TMOD3: variants seen among roughly 807,000 people sequenced by gnomAD.
TMOD3 encodes tropomodulin 3.
A neutral mutation model predicts 39.2 loss-of-function variants in TMOD3; 20 were observed. The ratio of observed to expected loss-of-function variants is 0.51; its 90% CI spans 0.36 to 0.74. TMOD3 has a LOEUF of 0.74. Among genes scored for constraint, TMOD3 ranks in the 30% least tolerant of loss-of-function variants. The probability of loss-of-function intolerance (pLI) is 0.00; values close to 1 mark genes in which losing one functional copy is unlikely to be tolerated. For synonymous variants in TMOD3, 143 were observed against 145.8 expected (o/e 0.98, Z 0.14); for missense variants, 381 against 412.8 (o/e 0.92, Z 0.67).
At position 51,859,507 on chromosome 15, in the gene TMOD3, T is replaced by C. The variant is rs1455009329; in HGVS notation, c.-74-3304T>C. ...CTTTTATACACAGCTCTGGCTTTTT[T>C]GTAGCCACCATGTTGATAAGCCCAA... On this transcript the variant is annotated intron_variant, in intron 1 of 9. Coordinates refer to ENST00000308580, the MANE Select transcript of TMOD3 (RefSeq NM_014547.5). 14 of 638,330 alleles carry C rather than the reference T, an allele frequency of 2.2e-5. No homozygotes were observed. In the Admixed American group the frequency reaches 2.4e-4, roughly 11 times the overall value. The allele number at this position is 638,330 out of a possible 1,614,324, so 39.5% of individuals were successfully genotyped here.
chr15:51,840,739 G>C (rs543062897), intron 1 of TMOD3, among the ~76,000 whole-genome samples: 1 of 152,118 alleles, frequency 6.6e-6, no homozygotes, highest in East Asian at 1.9e-4. Context: ...TCATTTTTTT[G>C]CATCATTTAT....
intron 3 of TMOD3, among the ~76,000 whole-genome samples, chr15:51,878,727 C>G (rs1189384790): frequency 6.6e-6 from 1 of 152,120 alleles, no homozygotes; most frequent in East Asian, 1.9e-4. Context: ...TAGGCTGTGT[C>G]CCCTCATTCT....
At chr15:51,852,354 A>G (rs2056366688) in intron 1 of TMOD3, among the ~76,000 whole-genome samples, 1 of 152,070 alleles carries the variant, frequency 6.6e-6, no homozygotes, top group Admixed American at 6.5e-5. Context: ...AACTGAAGAG[A>G]AGGCCTCCAG....
chr15:51,896,432 C>G lies in TMOD3; in HGVS notation c.641C>G (p.Pro214Arg). The G allele has an allele frequency of 6.2e-7, 1 of 1,610,216 alleles. No homozygotes were observed. The highest frequency in any genetic ancestry group is 8.5e-7 in the Non-Finnish European group (1 of 1,177,510). The change falls in exon 7 of 10, where the codon CCA becomes CGA. Residue 214 changes from proline to arginine, a missense_variant. Transcript: ENST00000308580. ...TTGTCTTTCAAGAATATCCCAATTC[C>G]AACCCTAAAAGATTTTGCAAAGGCT... ...NLNNIKNIPI[P>R]TLKDFAKALE...
At chr15:51,900,727 T>G (rs1177486512) in intron 8 of TMOD3, among the ~76,000 whole-genome samples, 1 of 152,242 alleles carries the variant, frequency 6.6e-6, no homozygotes, top group Non-Finnish European at 1.5e-5. Context: ...AAAAAATATT[T>G]GTTAAATGTC....
At chr15:51,865,894 C>CA (rs201942782) in intron 2 of TMOD3, among the ~76,000 whole-genome samples, 17 of 147,858 alleles carry the variant, frequency 1.1e-4, no homozygotes, top group Non-Finnish European at 1.8e-4. Context: ...GAGTTTTTGC[C>CA]AAAAAAAAAA....
intron 1 of TMOD3, among the ~76,000 whole-genome samples, chr15:51,846,852 G>A (rs939275024): frequency 6.6e-6 from 1 of 152,090 alleles, no homozygotes; most frequent in African/African-American, 2.4e-5. Flanking sequence ...ACATTTCCCA[G>A]TCTACCCAGT....
intron 5 of TMOD3, among the ~76,000 whole-genome samples, chr15:51,893,413 C>T (rs1399934092): frequency 1.3e-5 from 2 of 150,780 alleles, no homozygotes; most frequent in Non-Finnish European, 2.9e-5. Flanking sequence ...AATAAATATG[C>T]GTGTATGAGA....
At position 51,910,895 on chromosome 15, in the gene TMOD3, C is replaced by G. The variant is rs1031409243; in HGVS notation, c.*2085C>G. 1 of 152,228 alleles carries G rather than the reference C, an allele frequency of 6.6e-6. No homozygotes were observed. The highest frequency in any genetic ancestry group is 6.6e-5 in the Admixed American group (1 of 15,264). 9.4% of individuals were successfully genotyped at this position (152,228 alleles called of 1,614,324 possible). A position where few individuals can be genotyped will look rare whatever the true frequency, so the allele number is the denominator to read the frequency against. On this transcript the variant is annotated 3_prime_UTR_variant, in exon 10 of 10. Transcript: ENST00000308580. ...CTGATATTTTTCTAAGTTAGCAAGG[C>G]TCACTTGCTTGCTTTCTTGCCTCCC...
intron 1 of TMOD3, among the ~76,000 whole-genome samples, chr15:51,835,452 G>A (rs1162153598): frequency 6.6e-6 from 1 of 152,164 alleles, no homozygotes; most frequent in South Asian, 2.1e-4. Context: ...GGGACTACAG[G>A]CATGCACCAC....
rs2056718282 is a variant in TMOD3, at chr15:51,912,854, A to C, written c.*4044A>C. Reference sequence around the variant, plus strand: ...TATCTGTAAAATTATCCTCTCCATCAGCTCTCACTGATCATTAATGTTTCT... The same window carrying C: ...TATCTGTAAAATTATCCTCTCCATCCGCTCTCACTGATCATTAATGTTTCT... On this transcript the variant is annotated 3_prime_UTR_variant, in exon 10 of 10. Coordinates refer to ENST00000308580, the MANE Select transcript of TMOD3 (RefSeq NM_014547.5). 1 of 152,222 alleles carries C rather than the reference A, an allele frequency of 6.6e-6. No individual in the cohort carries two copies. The highest frequency in any genetic ancestry group is 1.9e-4 in the East Asian group (1 of 5,206). 9.4% of individuals were successfully genotyped at this position (152,222 alleles called of 1,614,324 possible). A position where few individuals can be genotyped will look rare whatever the true frequency, so the allele number is the denominator to read the frequency against.
chr15:51,857,316 G>A (rs1363055140), intron 1 of TMOD3, among the ~76,000 whole-genome samples: 10 of 152,108 alleles, frequency 6.6e-5, no homozygotes, highest in African/African-American at 2.4e-4. Flanking sequence ...GAGGGTATTA[G>A]TAATGTTTTC....
intron 1 of TMOD3, among the ~76,000 whole-genome samples, chr15:51,846,739 C>A (rs1157605466): frequency 6.6e-6 from 1 of 152,166 alleles, no homozygotes; most frequent in East Asian, 1.9e-4. Flanking sequence ...AGTTAACCAG[C>A]AGAGATAAAG....
intron 1 of TMOD3, among the ~76,000 whole-genome samples, chr15:51,836,737 GAAAAAA>G (rs2056286196): frequency 1.5e-5 from 1 of 67,896 alleles, no homozygotes; most frequent in African/African-American, 4.8e-5. Context: ...AAAAAAAAAA[GAAAAAA>G]GAAAAAAGAA....
chr15:51,844,695 G>T (rs1468895524), intron 1 of TMOD3, among the ~76,000 whole-genome samples: 1 of 152,108 alleles, frequency 6.6e-6, no homozygotes, highest in Non-Finnish European at 1.5e-5. Flanking sequence ...TTTTGTGATT[G>T]AATCTTTTTT....
At position 51,909,016 on chromosome 15, in the gene TMOD3, C is replaced by T; in HGVS notation, c.*206C>T. On this transcript the variant is annotated 3_prime_UTR_variant, in exon 10 of 10. Coordinates refer to ENST00000308580, the MANE Select transcript of TMOD3 (RefSeq NM_014547.5). ...AAACATTTCTACTTTCTGCTAAAAT[C>T]AATTTTAATTTAGTTTAATTGAATG... The T allele has an allele frequency of 2.5e-6, 1 of 394,236 alleles. No homozygotes were observed. The highest frequency in any genetic ancestry group is 9.0e-5 in the South Asian group (1 of 11,148). The allele number at this position is 394,236 out of a possible 1,614,324, so 24.4% of individuals were successfully genotyped here.
chr15:51,886,107 G>T (rs977112327), intron 3 of TMOD3, among the ~76,000 whole-genome samples: 4 of 151,874 alleles, frequency 2.6e-5, no homozygotes, highest in South Asian at 2.1e-4. Context: ...CCCAGACGGG[G>T]TGGCGGTCGG....
chr15:51,892,217 A>G (rs2056597155), intron 5 of TMOD3: 1 of 152,202 alleles, frequency 6.6e-6, no homozygotes, highest in East Asian at 1.9e-4. Flanking sequence ...GTCCATTTTG[A>G]ACCCGGTCAG....
At chr15:51,863,050 G>A (rs747715398) in intron 2 of TMOD3, 40 bp downstream of exon 2, 40 of 1,586,872 alleles carry the variant, frequency 2.5e-5, no homozygotes, top group South Asian at 1.7e-4. Context: ...ATAACTTTTC[G>A]AATTCTTTGA....
Sources: allele counts gnomAD v4.1 joint callset (sites outside exome capture counted in the v4.1 genomes callset), GRCh38; gene constraint gnomAD v4.1.1; transcripts MANE v1.5; gene names NCBI Gene and HGNC (gene_info 2026-07-23, HGNC 2026-07-21).